The following PRH1 variants were observed in gnomAD, a reference collection of about 807,000 sequenced individuals.
PRH1 encodes the protein proline rich protein HaeIII subfamily 1, also known as salivary acidic proline-rich phosphoprotein 1/2.
Under a neutral mutation model 7.9 loss-of-function variants are expected in PRH1, and 7 were observed. The observed-to-expected ratio is 0.89, with a 90% CI of 0.50 to 1.67. PRH1 has a LOEUF of 1.67. PRH1 is among the 40% of genes most tolerant of loss of function. The pLI, the probability that PRH1 is intolerant of heterozygous loss-of-function variation, is 0.00. For missense variants in PRH1, 109 were observed against 223.6 expected (o/e 0.49, Z 3.27); for synonymous variants, 45 against 80.8 (o/e 0.56, Z 2.38).
At chr12:11,021,593 C>T in intron 1 of PRH1, 2 of 1,133,060 alleles carry the variant, frequency 1.8e-6, no homozygotes, top group East Asian at 2.4e-5. Context: ...GTTCCAGACA[C>T]CATCAGTTTG....
intron 1 of PRH1, chr12:10,996,700 G>A (rs1452923816): frequency 3.3e-6 from 1 of 299,014 alleles, no homozygotes; most frequent in Non-Finnish European, 5.9e-6. Flanking sequence ...TATATGAAAA[G>A]TTGATTAAAG....
chr12:11,077,542 AAGG>A lies in PRH1; in HGVS notation n.124-30357_124-30355del. On this transcript the variant is annotated intron_variant and non_coding_transcript_variant, in intron 1 of 4. Coordinates refer to the PRH1 transcript ENST00000541977. ...AAAGTAAATGGCATATAACATGAGG[AAGG>A]AGATCACAGTTTGCAAAGCTTTTAT... 1.7e-6 allele frequency: 2 copies of A among 1,198,936 alleles called. 1 individual carries two copies. Among genetic ancestry groups the A allele is most frequent in the South Asian group, 2.4e-5 (2 of 82,482 alleles). The allele number at this position is 1,198,936 out of a possible 1,614,324, so 74.3% of individuals were successfully genotyped here.
At chr12:10,982,613 T>C (rs1444992008) in intron 1 of PRH1, among the ~76,000 whole-genome samples, 4 of 152,200 alleles carry the variant, frequency 2.6e-5, no homozygotes, top group Middle Eastern at 3.2e-3. Context: ...TCAGTTTAAT[T>C]GACATTTTGC....
At chr12:11,122,991 TC>T (rs1393775712) in intron 1 of PRH1, among the ~76,000 whole-genome samples, 1 of 151,716 alleles carries the variant, frequency 6.6e-6, no homozygotes, top group Non-Finnish European at 1.5e-5. Flanking sequence ...TTTATAATGA[TC>T]TTTTTTTATT....
At chr12:10,996,914 G>T (rs746761753) in intron 1 of PRH1, 41 of 1,532,234 alleles carry the variant, frequency 2.7e-5, no homozygotes, top group Non-Finnish European at 3.5e-5. Flanking sequence ...TTTGTTTTCT[G>T]CTAGAAAACA....
intron 1 of PRH1, among the ~76,000 whole-genome samples, chr12:11,157,187 C>T (rs1947278485): frequency 6.6e-6 from 1 of 152,160 alleles, no homozygotes; most frequent in African/African-American, 2.4e-5. Context: ...TTGAAAAGAA[C>T]TAAAAATAAA....
At chr12:10,930,149 G>C in intron 2 of PRH1, 1 of 1,180,716 alleles carries the variant, frequency 8.5e-7, no homozygotes, top group Non-Finnish European at 1.3e-6. Context: ...GAGAGTGGCT[G>C]ATGAGATCTC....
intron 1 of PRH1, among the ~76,000 whole-genome samples, chr12:11,032,139 T>C (rs1942251246): frequency 6.6e-6 from 1 of 152,328 alleles, no homozygotes; most frequent in Admixed American, 6.5e-5. Flanking sequence ...GAAACCTGAA[T>C]CCTCATTTGC....
At chr12:10,898,054 C>T (rs950586509) in intron 2 of PRH1, among the ~76,000 whole-genome samples, 1 of 152,138 alleles carries the variant, frequency 6.6e-6, no homozygotes, top group African/African-American at 2.4e-5. Context: ...TCTCTTCTAT[C>T]CCAAATAAAG....
At chr12:10,996,151 A>G (rs897180735) in intron 1 of PRH1, among the ~76,000 whole-genome samples, 25 of 151,392 alleles carry the variant, frequency 1.7e-4, no homozygotes, top group Non-Finnish European at 2.9e-4. Context: ...CCCCATCTCT[A>G]CTAAAAAAAA....
intron 1 of PRH1, chr12:11,006,288 A>G (rs775012410): frequency 3.9e-5 from 6 of 151,978 alleles, no homozygotes; most frequent in Non-Finnish European, 8.8e-5. Context: ...GGAAAAAACA[A>G]AGATGGTTAG....
chr12:10,999,631 C>CTTCCTGGA (rs1940484706), intron 1 of PRH1, among the ~76,000 whole-genome samples: 1 of 152,112 alleles, frequency 6.6e-6, no homozygotes, highest in Non-Finnish European at 1.5e-5. Flanking sequence ...ACACTGCAAA[C>CTTCCTGGA]AGACTAGGTC....
intron 1 of PRH1, among the ~76,000 whole-genome samples, chr12:11,113,724 T>C (rs1236007594): frequency 6.6e-6 from 1 of 152,144 alleles, no homozygotes; most frequent in African/African-American, 2.4e-5. Flanking sequence ...TGGAATCTAA[T>C]TAAACTAAAG....
intron 2 of PRH1, chr12:10,939,357 G>A (rs1950353966): frequency 9.2e-6 from 5 of 541,506 alleles, no homozygotes; most frequent in Non-Finnish European, 1.6e-5. Context: ...ATCCAGATTT[G>A]CTAATGGCTG....
chr12:10,986,446 A>G (rs1481412692), intron 1 of PRH1: 1 of 1,614,094 alleles, frequency 6.2e-7, no homozygotes, highest in South Asian at 1.1e-5. Flanking sequence ...CAAACCAAAA[A>G]TATCAAAGTC....
At chr12:11,113,258 C>A (rs563058774) in intron 1 of PRH1, among the ~76,000 whole-genome samples, 7 of 152,268 alleles carry the variant, frequency 4.6e-5, no homozygotes, top group African/African-American at 1.7e-4. Context: ...GTAGCCAAGA[C>A]AATCCTAAGC....
chr12:11,129,426 T>G (rs1455951078), intron 1 of PRH1, among the ~76,000 whole-genome samples: 1 of 152,294 alleles, frequency 6.6e-6, no homozygotes, highest in African/African-American at 2.4e-5. Context: ...TCTCCTCTAC[T>G]GGCAACAAAA....
chr12:11,063,511 C>T (rs1457725146), intron 1 of PRH1, among the ~76,000 whole-genome samples: 8 of 151,938 alleles, frequency 5.3e-5, no homozygotes, highest in Admixed American at 4.6e-4. Flanking sequence ...AGAATTTGGT[C>T]CATTTCAAAT....
At chr12:10,893,016 A>C (rs1023545838) in intron 2 of PRH1, among the ~76,000 whole-genome samples, 1 of 152,218 alleles carries the variant, frequency 6.6e-6, no homozygotes, top group Non-Finnish European at 1.5e-5. Flanking sequence ...GTGAAATCTT[A>C]TATCAATAAC....
Sources: gnomAD v4.1 joint callset for allele counts (sites outside exome capture counted in the v4.1 genomes callset) on GRCh38, gnomAD v4.1.1 for gene constraint, MANE v1.5 for transcripts, NCBI Gene and HGNC (gene_info 2026-07-23, HGNC 2026-07-21) for gene names.